The following DOCK9 variants were observed in gnomAD, a reference collection of about 807,000 sequenced individuals.
DOCK9 encodes dedicator of cytokinesis 9, also known as dedicator of cytokinesis protein 9.
In DOCK9, 89 loss-of-function variants were observed where a neutral mutation model predicts 263.3. That is an observed-to-expected ratio of 0.34 (90% CI 0.28 to 0.40). The LOEUF is 0.40. Among genes scored for constraint, DOCK9 ranks in the 10% least tolerant of loss-of-function variants. The pLI is 1.00. For missense variants in DOCK9, 2,140 were observed against 2,603.4 expected (o/e 0.82, Z 3.87); for synonymous variants, 976 against 973.1 (o/e 1.00, Z -0.06).
At chr13:98,804,975 C>T in intron 49 of DOCK9, 24 bp downstream of exon 49, 3 of 1,577,884 alleles carry the variant, frequency 1.9e-6, no homozygotes, top group Non-Finnish European at 2.6e-6. Flanking sequence ...GGGCTCGTGT[C>T]CATGCGGCTT....
intron 3 of DOCK9, 149 bp downstream of exon 3, chr13:98,930,019 G>T: frequency 1.4e-6 from 1 of 703,716 alleles, no homozygotes; most frequent in Non-Finnish European, 2.3e-6. Flanking sequence ...TTCAGAGTCT[G>T]AAAAATTCAC....
intron 1 of DOCK9, among the ~76,000 whole-genome samples, chr13:98,970,048 G>A (rs1364108714): frequency 6.6e-6 from 1 of 152,178 alleles, no homozygotes; most frequent in East Asian, 1.9e-4. Context: ...AGGCTGGAGT[G>A]CAGTAGCTCC....
intron 43 of DOCK9, among the ~76,000 whole-genome samples, chr13:98,828,648 G>C (rs1364433275): frequency 6.6e-6 from 1 of 152,192 alleles, no homozygotes; most frequent in African/African-American, 2.4e-5. Flanking sequence ...CTCAGGCACA[G>C]ACACTGAATG....
chr13:98,949,971 T>C, intron 2 of DOCK9: 1 of 494,112 alleles, frequency 2.0e-6, no homozygotes. Context: ...GGTCTCATTC[T>C]TGACCTTGGC....
chr13:98,937,790 T>G (rs928496532), intron 2 of DOCK9, among the ~76,000 whole-genome samples: 3 of 151,968 alleles, frequency 2.0e-5, no homozygotes, highest in Non-Finnish European at 2.9e-5. Flanking sequence ...AATTTACAAC[T>G]GTCTCCAAGT....
At chr13:98,952,033 G>T (rs147874870) in intron 2 of DOCK9, among the ~76,000 whole-genome samples, 407 of 151,888 alleles carry the variant, frequency 2.7e-3, no homozygotes, top group Non-Finnish European at 5.0e-3. Flanking sequence ...AAGTAGCTGG[G>T]ATTATAGGTG....
intron 1 of DOCK9, among the ~76,000 whole-genome samples, chr13:99,034,795 G>C (rs1887695403): frequency 6.6e-6 from 1 of 152,216 alleles, no homozygotes; most frequent in East Asian, 1.9e-4. Context: ...TAATAATAAG[G>C]AACAGTGAAG....
chr13:99,087,262 G>A (rs1052798648), upstream of DOCK9, among the ~76,000 whole-genome samples: 3 of 152,194 alleles, frequency 2.0e-5, no homozygotes, highest in Non-Finnish European at 4.4e-5. Flanking sequence ...GGACGATGAC[G>A]GTTGGGCCGG....
Position 98,879,983 on chromosome 13 carries a change from G to C in DOCK9, c.2872-14C>G, listed in dbSNP as rs1273329414. Reference sequence around the variant, plus strand: ...AAACCATGAGTACTAAAAGAAAAAAGAACAGGACCCAGTAAGAACACAACA... The same window carrying C: ...AAACCATGAGTACTAAAAGAAAAAACAACAGGACCCAGTAAGAACACAACA... On this transcript the variant is annotated splice_polypyrimidine_tract_variant and intron_variant, in intron 26 of 52. Coordinates refer to ENST00000682017, the MANE Select transcript of DOCK9 (RefSeq NM_001366683.2). The C allele has an allele frequency of 6.3e-7, 1 of 1,588,676 alleles. No homozygotes were observed. The highest frequency in any genetic ancestry group is 1.4e-5 in the African/African-American group (1 of 73,140).
At chr13:99,048,689 G>A (rs1318027880) in intron 1 of DOCK9, among the ~76,000 whole-genome samples, 1 of 152,148 alleles carries the variant, frequency 6.6e-6, no homozygotes, top group African/African-American at 2.4e-5. Context: ...GACAAATGGG[G>A]ACAGCTCACA....
At chr13:99,023,478 A>G (rs1477885779) in intron 1 of DOCK9, among the ~76,000 whole-genome samples, 1 of 152,246 alleles carries the variant, frequency 6.6e-6, no homozygotes, top group African/African-American at 2.4e-5. Context: ...TGCTGGGAGA[A>G]GGCAAATAAG....
rs542884488 is a variant in DOCK9 at position 98,805,745 on chromosome 13, T to A, written c.5515-536A>T. Among the ~76,000 whole-genome samples, 3 of 152,312 alleles carry A rather than the reference T, an allele frequency of 2.0e-5. No homozygotes were observed. The East Asian group carries it at 5.8e-4, about 29-fold the overall frequency. ...TTAGAAGAATTCCCTATCATTCATTTTTCCCATAACATTGAATTATTTTAT... is the reference window on the plus strand; with the variant it reads ...TTAGAAGAATTCCCTATCATTCATTATTCCCATAACATTGAATTATTTTAT... On this transcript the variant is annotated intron_variant, in intron 48 of 52. Transcript: ENST00000682017.
At chr13:98,917,757 T>C (rs184905907) in intron 7 of DOCK9, among the ~76,000 whole-genome samples, 3 of 152,114 alleles carry the variant, frequency 2.0e-5, no homozygotes, top group Non-Finnish European at 4.4e-5. Context: ...TCAAAGTGGT[T>C]TTTAAAGTTA....
upstream of DOCK9, among the ~76,000 whole-genome samples, chr13:99,086,941 G>T (rs1028021750): frequency 1.5e-4 from 23 of 152,222 alleles, no homozygotes; most frequent in African/African-American, 5.1e-4. Context: ...GCACAGCCGA[G>T]GCTGGACGAT....
chr13:99,080,890 A>T (rs1336895987), intron 1 of DOCK9, among the ~76,000 whole-genome samples: 2 of 152,130 alleles, frequency 1.3e-5, no homozygotes, highest in East Asian at 3.8e-4. Context: ...TGTTCTTAGC[A>T]CCCAGCAGGG....
intron 15 of DOCK9, among the ~76,000 whole-genome samples, chr13:98,889,798 A>G (rs2046347419): frequency 6.6e-6 from 1 of 152,210 alleles, no homozygotes; most frequent in South Asian, 2.1e-4. Context: ...AGAACCTGCC[A>G]TTTATATTAC....
Position 98,915,547 on chromosome 13 carries a change from G to A in DOCK9, c.718-44C>T, listed in dbSNP as rs183038593. 1.2e-4 allele frequency: 191 copies of A among 1,539,908 alleles called. No homozygotes were observed. The East Asian group carries it at 4.2e-3, about 34-fold the overall frequency. ...AAACAGACATACTTTAAAAGAATTA[G>A]AACTGCTTTAAAATAATTACTCTCT... On this transcript the variant is annotated intron_variant, in intron 7 of 52. Transcript: ENST00000682017.
chr13:99,043,823 G>A (rs1442835165), intron 1 of DOCK9, among the ~76,000 whole-genome samples: 1 of 151,980 alleles, frequency 6.6e-6, no homozygotes, highest in African/African-American at 2.4e-5. Context: ...TGATGGGACG[G>A]CCAGCTTCAG....
chr13:98,969,045 G>A (rs544237190), intron 1 of DOCK9, among the ~76,000 whole-genome samples: 1 of 152,324 alleles, frequency 6.6e-6, no homozygotes, highest in East Asian at 1.9e-4. Flanking sequence ...TAGGGTTTCA[G>A]GTACGGCTGC....
Sources: gnomAD v4.1 joint callset for allele counts (sites outside exome capture counted in the v4.1 genomes callset) on GRCh38, gnomAD v4.1.1 for gene constraint, MANE v1.5 for transcripts, NCBI Gene and HGNC (gene_info 2026-07-23, HGNC 2026-07-21) for gene names.